The following PKHD1L1 variants were observed in gnomAD, a reference collection of about 807,000 sequenced individuals.
PKHD1L1 encodes the protein fibrocystin-L.
A neutral mutation model predicts 462.9 loss-of-function variants in PKHD1L1; 434 were observed. That is an observed-to-expected ratio of 0.94 (90% confidence interval 0.87 to 1.02). The LOEUF is 1.02. PKHD1L1 is among the 50% of genes least tolerant of loss of function. PKHD1L1 has a pLI of 0.00. For missense variants in PKHD1L1, 5,202 were observed against 5,096.1 expected (o/e 1.02, Z -0.63); for synonymous variants, 1,781 against 1,750.0 (o/e 1.02, Z -0.44).
intron 61 of PKHD1L1, among the ~76,000 whole-genome samples, 197 bp downstream of exon 61, chr8:109,491,298 G>A (rs1277964780): frequency 6.6e-6 from 1 of 151,786 alleles, no homozygotes; most frequent in Non-Finnish European, 1.5e-5. Context: ...AATTATGACT[G>A]AGGAACTGAA....
intron 24 of PKHD1L1, among the ~76,000 whole-genome samples, chr8:109,426,080 G>A (rs1814731044): frequency 6.6e-6 from 1 of 152,060 alleles, no homozygotes; most frequent in South Asian, 2.1e-4. Flanking sequence ...GAGTATGTCA[G>A]TAATATGAAG....
At position 109,445,147 on chromosome 8, in the gene PKHD1L1, A is replaced by G; in HGVS notation, c.5278A>G (p.Ile1760Val). The G allele has an allele frequency of 6.2e-7, 1 of 1,613,952 alleles. No individual in the cohort carries two copies. The highest frequency in any genetic ancestry group is 8.5e-7 in the Non-Finnish European group (1 of 1,179,876). ...YITGVFPNSV[I>V]GSVKVLIEGE... The stretch of plus-strand genomic sequence containing the variant: ...AACAGGAGTCTTCCCAAACTCTGTC[A>G]TAGGATCTGTAAAAGTTCTTATTGA... The change falls in exon 38 of 78, where the codon ATA becomes GTA. Residue 1760 changes from isoleucine (I) to valine (V), a missense_variant. By Grantham distance (29) the Ile-to-Val change is conservative. Transcript: ENST00000378402.
At chr8:109,521,175 A>G (rs1019090826) in intron 73 of PKHD1L1, among the ~76,000 whole-genome samples, 3 of 152,186 alleles carry the variant, frequency 2.0e-5, no homozygotes, top group African/African-American at 7.2e-5. Flanking sequence ...TCATAGTGTC[A>G]TGTCAGACCT....
At chr8:109,526,411 T>A (rs1820816641) in intron 76 of PKHD1L1, among the ~76,000 whole-genome samples, 1 of 152,192 alleles carries the variant, frequency 6.6e-6, no homozygotes, top group African/African-American at 2.4e-5. Context: ...GCTTCTCTAC[T>A]GCTAGGTCAA....
chr8:109,521,874 C>T (rs925887332), intron 73 of PKHD1L1, among the ~76,000 whole-genome samples: 3 of 152,034 alleles, frequency 2.0e-5, no homozygotes, highest in Non-Finnish European at 4.4e-5. Context: ...CATTGGTAAA[C>T]AAAGATTGGT....
intron 63 of PKHD1L1, among the ~76,000 whole-genome samples, chr8:109,496,483 T>C (rs1466881108): frequency 6.6e-6 from 1 of 152,246 alleles, no homozygotes; most frequent in Non-Finnish European, 1.5e-5. Context: ...CTCTTTCCCA[T>C]TAAATTAATC....
chr8:109,468,894 G>A (rs1817580995), intron 50 of PKHD1L1, among the ~76,000 whole-genome samples: 2 of 152,178 alleles, frequency 1.3e-5, no homozygotes, highest in Admixed American at 1.3e-4. Context: ...AAATAGGTAA[G>A]AAGCAGTGAA....
rs191408958 is a variant in PKHD1L1 at position 109,527,432 on chromosome 8, A to T, written c.12721+412A>T. ...GGCAGGAGAATCGCTTGAGCCTGGG[A>T]GGTGGAGGCTGCAGTGAACTGAGAT... On this transcript the variant is annotated intron_variant, in intron 77 of 77. Coordinates refer to ENST00000378402, the MANE Select transcript of PKHD1L1 (RefSeq NM_177531.6). 5.2e-3 allele frequency among the ~76,000 whole-genome samples: 799 copies of T among 152,266 alleles called. 5 individuals are homozygous for T. Among genetic ancestry groups the T allele is most frequent in the Non-Finnish European group, 9.1e-3 (618 of 68,016 alleles).
chr8:109,440,596 T>C, intron 32 of PKHD1L1, 114 bp from the exon 33 acceptor site: 1 of 877,738 alleles, frequency 1.1e-6, no homozygotes, highest in Non-Finnish European at 1.7e-6. Flanking sequence ...AAAAGTAATG[T>C]ACAGTTAAAT....
intron 59 of PKHD1L1, among the ~76,000 whole-genome samples, chr8:109,488,821 T>A (rs1586611075): frequency 6.6e-6 from 1 of 151,978 alleles, no homozygotes; most frequent in Non-Finnish European, 1.5e-5. Flanking sequence ...TGCTAAGCAT[T>A]AAACACATAC....
At chr8:109,376,613 G>C (rs1411675797) in intron 2 of PKHD1L1, among the ~76,000 whole-genome samples, 1 of 152,132 alleles carries the variant, frequency 6.6e-6, no homozygotes, top group Non-Finnish European at 1.5e-5. Flanking sequence ...CTGTAGACTG[G>C]AGCCGTTCCT....
At chr8:109,500,924 A>T (rs192656754) in intron 67 of PKHD1L1, among the ~76,000 whole-genome samples, 31 of 152,108 alleles carry the variant, frequency 2.0e-4, no homozygotes, top group Middle Eastern at 3.4e-3. Context: ...GTATAACTTT[A>T]TTTTTATTGA....
At chr8:109,385,910 T>C (rs948133997) in intron 6 of PKHD1L1, among the ~76,000 whole-genome samples, 4 of 152,200 alleles carry the variant, frequency 2.6e-5, no homozygotes, top group African/African-American at 9.6e-5. Flanking sequence ...CCAATAGTAA[T>C]TGAGTTATAG....
intron 12 of PKHD1L1, among the ~76,000 whole-genome samples, chr8:109,399,440 C>T (rs1049065018): frequency 2.0e-5 from 3 of 152,000 alleles, no homozygotes; most frequent in African/African-American, 7.2e-5. Flanking sequence ...AGAGATGGCT[C>T]TTTTCTGATT....
At chr8:109,475,886 A>C (rs961626060) in intron 51 of PKHD1L1, among the ~76,000 whole-genome samples, 3 of 149,798 alleles carry the variant, frequency 2.0e-5, no homozygotes, top group African/African-American at 4.9e-5. Flanking sequence ...CTCTATCTAA[A>C]TCTAACATTC....
At chr8:109,442,612 CAT>C (rs772872637) in intron 35 of PKHD1L1, among the ~76,000 whole-genome samples, 3 of 152,066 alleles carry the variant, frequency 2.0e-5, no homozygotes, top group Non-Finnish European at 2.9e-5. Flanking sequence ...TTGTTTTGTA[CAT>C]GTAAGATTTT....
rs974948216 is a variant in PKHD1L1 at position 109,534,255 on chromosome 8, G to A, written c.*4165G>A. ...AGGCAGGCGGATCACGAGGTCAGGA[G>A]ATCGAGACTATCCTGGCTAACACAG... On this transcript the variant is annotated 3_prime_UTR_variant, in exon 78 of 78. Coordinates refer to ENST00000378402, the MANE Select transcript of PKHD1L1 (RefSeq NM_177531.6). 3.9e-5 allele frequency among the ~76,000 whole-genome samples: 6 copies of A among 152,246 alleles called. No individual in the cohort carries two copies. The highest frequency in any genetic ancestry group is 7.3e-5 in the Non-Finnish European group (5 of 68,040).
At chr8:109,474,621 T>C (rs1817885973) in intron 50 of PKHD1L1, among the ~76,000 whole-genome samples, 1 of 152,112 alleles carries the variant, frequency 6.6e-6, no homozygotes, top group African/African-American at 2.4e-5. Flanking sequence ...TTTAATTAGC[T>C]CAACAGACAT....
At chr8:109,423,330 T>C (rs765755536) in intron 23 of PKHD1L1, among the ~76,000 whole-genome samples, 1 of 152,162 alleles carries the variant, frequency 6.6e-6, no homozygotes, top group Admixed American at 6.5e-5. Flanking sequence ...GATTTTTCGT[T>C]GAGGTTCATT....
Sources: gnomAD v4.1 joint callset for allele counts (sites outside exome capture counted in the v4.1 genomes callset) on GRCh38, gnomAD v4.1.1 for gene constraint, MANE v1.5 for transcripts, NCBI Gene and HGNC (gene_info 2026-07-23, HGNC 2026-07-21) for gene names.